The following ROBO2 variants were observed in gnomAD, a reference collection of about 807,000 sequenced individuals.
ROBO2 encodes roundabout homolog 2.
Under a neutral mutation model 160.8 loss-of-function variants are expected in ROBO2, and 53 were observed. The observed-to-expected ratio is 0.33, with a 90% confidence interval of 0.26 to 0.41. The LOEUF (loss-of-function observed/expected upper bound fraction) is 0.41. Among genes scored for constraint, ROBO2 ranks in the 10% least tolerant of loss-of-function variants. The pLI is 1.00. For missense variants in ROBO2, 1,577 were observed against 1,722.4 expected (o/e 0.92, Z 1.49); for synonymous variants, 664 against 611.7 (o/e 1.09, Z -1.26).
At chr3:76,557,188 A>G (rs1359253631) in intron 2 of ROBO2, among the ~76,000 whole-genome samples, 1 of 152,058 alleles carries the variant, frequency 6.6e-6, no homozygotes, top group African/African-American at 2.4e-5. Context: ...TGCTATTAGC[A>G]TTCTGTCATT....
intron 2 of ROBO2, among the ~76,000 whole-genome samples, chr3:76,878,756 C>G (rs1273832204): frequency 2.6e-5 from 4 of 152,048 alleles, no homozygotes. Context: ...CCCAGAGATA[C>G]CTTAAAAATT....
chr3:75,935,560 T>C (rs1947735899), intron 1 of ROBO2, among the ~76,000 whole-genome samples: 1 of 152,216 alleles, frequency 6.6e-6, no homozygotes, highest in Non-Finnish European at 1.5e-5. Flanking sequence ...GATATATAAA[T>C]ATTTATATAA....
intron 2 of ROBO2, among the ~76,000 whole-genome samples, chr3:76,469,005 C>CAA (rs2078507902): frequency 6.6e-6 from 1 of 152,092 alleles, no homozygotes; most frequent in Non-Finnish European, 1.5e-5. Flanking sequence ...TCTGCCCTTA[C>CAA]AAATGGCTAT....
chr3:75,928,170 G>C (rs966207960), intron 1 of ROBO2, among the ~76,000 whole-genome samples: 1 of 150,882 alleles, frequency 6.6e-6, no homozygotes, highest in African/African-American at 2.4e-5. Flanking sequence ...ATTTTTAGTA[G>C]AGACAGGGTT....
At chr3:76,968,145 TAAA>T (rs1376366784) in intron 2 of ROBO2, among the ~76,000 whole-genome samples, 1 of 152,236 alleles carries the variant, frequency 6.6e-6, no homozygotes. Flanking sequence ...ATATCAATTA[TAAA>T]ATGTTTCCAG....
intron 2 of ROBO2, among the ~76,000 whole-genome samples, chr3:76,166,554 C>T (rs1194239265): frequency 1.3e-5 from 2 of 152,140 alleles, no homozygotes; most frequent in East Asian, 1.9e-4. Flanking sequence ...AATAAATCCT[C>T]ATTTAGCCTA....
chr3:77,031,996 A>G (rs1434493741), intron 2 of ROBO2, among the ~76,000 whole-genome samples: 2 of 152,094 alleles, frequency 1.3e-5, no homozygotes, highest in Non-Finnish European at 2.9e-5. Context: ...GTGTCTTCAC[A>G]TGGTGGAAGA....
chr3:76,373,585 T>C (rs2076206553), intron 2 of ROBO2, among the ~76,000 whole-genome samples: 1 of 151,994 alleles, frequency 6.6e-6, no homozygotes, highest in Non-Finnish European at 1.5e-5. Flanking sequence ...TGGTGATGAC[T>C]TTGAAGCCAG....
chr3:77,577,733 A>G (rs2093806668), intron 15 of ROBO2, 119 bp downstream of exon 16: 1 of 1,242,726 alleles, frequency 8.0e-7, no homozygotes, highest in Non-Finnish European at 1.2e-6. Flanking sequence ...TAAAGTTTTT[A>G]TTTATATTTC....
intron 2 of ROBO2, among the ~76,000 whole-genome samples, chr3:76,624,065 A>G (rs1453092428): frequency 6.8e-6 from 1 of 147,604 alleles, no homozygotes; most frequent in East Asian, 1.9e-4. Flanking sequence ...TTTCTCCATT[A>G]AAAAAAAAGC....
Position 76,892,146 on chromosome 3 carries a change from G to A in ROBO2, c.110-205868G>A, listed in dbSNP as rs72898194. Among the ~76,000 whole-genome samples, 1,034 of 152,030 alleles carry A rather than the reference G, an allele frequency of 6.8e-3. 30 individuals carry two copies. The highest frequency in any genetic ancestry group is 0.024 in the African/African-American group (990 of 41,320). On this transcript the variant is annotated intron_variant, in intron 2 of 26. Transcript: ENST00000487694. ...TGGCATAATTTTTAAAGAATGGGAA[G>A]GTAAGAAGCGTCCTGCAGGAGCATG...
chr3:76,102,096 T>C (rs1243481639), intron 2 of ROBO2, among the ~76,000 whole-genome samples: 1 of 151,640 alleles, frequency 6.6e-6, no homozygotes, highest in Non-Finnish European at 1.5e-5. Context: ...CCTGTGTCCA[T>C]GTGTTCCCAT....
At chr3:76,638,500 A>G (rs1320718077) in intron 2 of ROBO2, among the ~76,000 whole-genome samples, 2 of 152,144 alleles carry the variant, frequency 1.3e-5, no homozygotes, top group Non-Finnish European at 2.9e-5. Context: ...TTTTTGAATA[A>G]AAATATTTAA....
At chr3:77,248,686 C>CGAGGTCCAGGGCCTGT (rs898605815) in intron 2 of ROBO2, among the ~76,000 whole-genome samples, 6 of 151,792 alleles carry the variant, frequency 4.0e-5, no homozygotes, top group Admixed American at 2.6e-4. Flanking sequence ...AAGCAGCCAG[C>CGAGGTCCAGGGCCTGT]GAGGTCCAGG....
At chr3:77,568,483 A>G in intron 13 of ROBO2, 49 bp downstream of exon 14, 1 of 1,607,848 alleles carries the variant, frequency 6.2e-7, no homozygotes, top group Non-Finnish European at 8.5e-7. Flanking sequence ...CTTTCGGGAA[A>G]GCAAAACATG....
chr3:75,940,993 A>G (rs767119735), intron 2 of ROBO2, among the ~76,000 whole-genome samples: 14 of 152,148 alleles, frequency 9.2e-5, no homozygotes, highest in Non-Finnish European at 1.5e-4. Context: ...TGGTGCAATC[A>G]TAGCTCATCA....
intron 2 of ROBO2, among the ~76,000 whole-genome samples, chr3:77,380,501 G>C (rs764127973): frequency 5.9e-5 from 9 of 152,160 alleles, no homozygotes; most frequent in Non-Finnish European, 1.5e-5. Context: ...TATCAAAGGA[G>C]AAGAATGAAA....
chr3:76,328,295 TC>T, intron 2 of ROBO2, among the ~76,000 whole-genome samples: 1 of 152,308 alleles, frequency 6.6e-6, no homozygotes, highest in East Asian at 1.9e-4. Context: ...CTGCTGAATA[TC>T]CCATTAACCA....
chr3:76,583,301 G>A (rs908024257), intron 2 of ROBO2, among the ~76,000 whole-genome samples: 1 of 152,192 alleles, frequency 6.6e-6, no homozygotes, highest in Non-Finnish European at 1.5e-5. Context: ...ATTAGCAAAT[G>A]AGGACAGCGC....
Sources: gnomAD v4.1 joint callset for allele counts (sites outside exome capture counted in the v4.1 genomes callset) on GRCh38, gnomAD v4.1.1 for gene constraint, MANE v1.5 for transcripts, NCBI Gene and HGNC (gene_info 2026-07-23, HGNC 2026-07-21) for gene names.